The following OOEP variants were observed in gnomAD, a reference collection of about 807,000 sequenced individuals.
OOEP encodes the protein oocyte expressed protein.
A neutral mutation model predicts 13.7 loss-of-function variants in OOEP; 16 were observed. The observed-to-expected ratio is 1.16, with a 90% CI of 0.79 to 1.77. The LOEUF (loss-of-function observed/expected upper bound fraction) is 1.77. Ranked by LOEUF, OOEP falls within the 40% of genes most tolerant of loss-of-function variation. OOEP has a pLI of 0.00. For missense variants in OOEP, 195 were observed against 193.1 expected (o/e 1.01, Z -0.06); for synonymous variants, 89 against 77.1 (o/e 1.15, Z -0.81).
intron 1 of OOEP, 43 bp from the exon 2 acceptor site, chr6:73,369,428 G>T: frequency 6.3e-7 from 1 of 1,576,666 alleles, no homozygotes. Flanking sequence ...CACGGTGGCA[G>T]GTTAGAAGCT....
chr6:73,388,264 A>G (rs1275601091), intron 2 of OOEP, among the ~76,000 whole-genome samples: 1 of 151,678 alleles, frequency 6.6e-6, no homozygotes, highest in Non-Finnish European at 1.5e-5. Flanking sequence ...AATACAAATT[A>G]TAAACAGCGA....
intron 2 of OOEP, among the ~76,000 whole-genome samples, chr6:73,386,516 T>A (rs1332922966): frequency 6.6e-6 from 1 of 152,168 alleles, no homozygotes; most frequent in Non-Finnish European, 1.5e-5. Flanking sequence ...GTCTAAATAC[T>A]TTTACAAGTT....
intron 2 of OOEP, among the ~76,000 whole-genome samples, chr6:73,375,452 C>G (rs970073202): frequency 6.6e-6 from 1 of 151,906 alleles, no homozygotes; most frequent in Admixed American, 6.6e-5. Flanking sequence ...GTGTCTCATG[C>G]CTTGTAGTCC....
rs1768994659 is a variant in OOEP, at chr6:73,368,691, A to C, written c.*93T>G. The C allele has an allele frequency of 1.2e-6, 1 of 803,364 alleles. No individual in the cohort carries two copies. Among genetic ancestry groups the C allele is most frequent in the East Asian group, 2.6e-5 (1 of 39,192 alleles). The allele number at this position is 803,364 out of a possible 1,614,324, so 49.8% of individuals were successfully genotyped here. On this transcript the variant is annotated 3_prime_UTR_variant, in exon 3 of 3. Transcript: ENST00000370359. ...ATCCATCAAGACACAGGAAAAAGGA[A>C]TACGGGGATTTAAGAATGCTATACT...
chr6:73,381,205 T>TAAAAAAAAAAAAAAAAAAAAA (rs66507015), intron 2 of OOEP, among the ~76,000 whole-genome samples: 2 of 100,998 alleles, frequency 2.0e-5, no homozygotes, highest in Admixed American at 1.1e-4. Flanking sequence ...AAAAAAGTGT[T>TAAAAAAAAAAAAAAAAAAAAA]AAAAAAAAAA....
intron 2 of OOEP, among the ~76,000 whole-genome samples, chr6:73,385,609 T>C (rs78800571): frequency 4.6e-5 from 7 of 151,682 alleles, no homozygotes; most frequent in African/African-American, 7.3e-5. Context: ...TTTTTTTTTT[T>C]CGGAGTCTCA....
rs1769219087 is a variant in OOEP at position 73,382,212 on chromosome 6, TAA to T, written c.25+12132_25+12133del. On this transcript the variant is annotated intron_variant, in intron 2 of 3. Coordinates refer to the OOEP transcript ENST00000370363. ...ACAGGCATGCACTACCACACCTGGCTAATTTTTTTTTTTTTTTTTTTTTGAGA... is the reference window on the plus strand; with the variant it reads ...ACAGGCATGCACTACCACACCTGGCTTTTTTTTTTTTTTTTTTTTTTGAGA... 3.0e-5 allele frequency among the ~76,000 whole-genome samples: 3 copies of T among 101,472 alleles called. 1 individual carries two copies. The South Asian group carries it at 1.1e-3, about 39-fold the overall frequency. The allele number at this position is 101,472 out of a possible 152,430, so 66.6% of individuals were successfully genotyped here. A position where few individuals can be genotyped will look rare whatever the true frequency, so the allele number is the denominator to read the frequency against.
At chr6:73,385,898 CA>C (rs1486948552) in intron 2 of OOEP, among the ~76,000 whole-genome samples, 1 of 151,560 alleles carries the variant, frequency 6.6e-6, no homozygotes, top group Non-Finnish European at 1.5e-5. Context: ...AAGCTATTTT[CA>C]AAAAGCCCAC....
chr6:73,388,713 C>T (rs1484552797), intron 2 of OOEP, among the ~76,000 whole-genome samples: 2 of 152,212 alleles, frequency 1.3e-5, no homozygotes, highest in East Asian at 3.8e-4. Context: ...ATACCCACAT[C>T]CATCTCACAG....
chr6:73,394,484 C>T (rs1769410514), exon 2 of OOEP: 2 of 649,360 alleles, frequency 3.1e-6, no homozygotes, highest in South Asian at 1.7e-5. Flanking sequence ...GGCGACACCC[C>T]GTCTCTATTT....
intron 2 of OOEP, among the ~76,000 whole-genome samples, chr6:73,389,771 A>G (rs1769321842): frequency 2.6e-5 from 4 of 152,218 alleles, no homozygotes; most frequent in African/African-American, 9.6e-5. Context: ...GGTGCAGCAC[A>G]CCAACATGGC....
chr6:73,373,651 C>T (rs1380416192), upstream of OOEP, among the ~76,000 whole-genome samples: 3 of 152,062 alleles, frequency 2.0e-5, no homozygotes, highest in East Asian at 5.8e-4. Flanking sequence ...AGTGCAATGG[C>T]GAATCTTGGC....
intron 2 of OOEP, among the ~76,000 whole-genome samples, chr6:73,380,076 T>A (rs990422885): frequency 6.6e-6 from 1 of 152,160 alleles, no homozygotes; most frequent in African/African-American, 2.4e-5. Flanking sequence ...CACTCATTAG[T>A]CGTTAGGAAA....
At chr6:73,371,376 G>A (rs143795956), upstream of OOEP, among the ~76,000 whole-genome samples, 148 of 152,240 alleles carry the variant, frequency 9.7e-4, no homozygotes, top group African/African-American at 3.4e-3. Flanking sequence ...GCCAAGGCAG[G>A]AGGATCACTT....
At chr6:73,382,561 A>T (rs1769225299) in intron 2 of OOEP, among the ~76,000 whole-genome samples, 1 of 151,722 alleles carries the variant, frequency 6.6e-6, no homozygotes, top group Non-Finnish European at 1.5e-5. Flanking sequence ...GGGTCTCACC[A>T]TGTTGTCCAG....
chr6:73,392,419 C>G (rs1226834912), intron 2 of OOEP, among the ~76,000 whole-genome samples: 2 of 151,974 alleles, frequency 1.3e-5, no homozygotes, highest in Non-Finnish European at 2.9e-5. Flanking sequence ...ATTCTCTCAC[C>G]TCAGCTTCTC....
intron 2 of OOEP, among the ~76,000 whole-genome samples, chr6:73,384,825 C>T (rs1769247921): frequency 6.6e-6 from 1 of 151,852 alleles, no homozygotes; most frequent in South Asian, 2.1e-4. Flanking sequence ...CAACCTGTGC[C>T]TCCCGGGTTC....
intron 2 of OOEP, among the ~76,000 whole-genome samples, chr6:73,388,225 T>G (rs1389688865): frequency 2.0e-5 from 3 of 152,146 alleles, no homozygotes; most frequent in Non-Finnish European, 2.9e-5. Context: ...AAAATCCTTA[T>G]GCCTCCCCCT....
In OOEP at chr6:73,369,810, C is replaced by A; in HGVS notation, c.-18G>T. 6.2e-7 allele frequency: 1 copy of A among 1,606,000 alleles called. No individual in the cohort carries two copies. Among genetic ancestry groups the A allele is most frequent in the East Asian group, 2.2e-5 (1 of 44,706 alleles). Reference sequence around the variant, plus strand: ...TCGACCATACTGGGACCAGCAGCCGCGGAGCGCGCTCGAGGCGGCTTTCGC... The same window carrying A: ...TCGACCATACTGGGACCAGCAGCCGAGGAGCGCGCTCGAGGCGGCTTTCGC... On this transcript the variant is annotated 5_prime_UTR_variant, in exon 1 of 3. Transcript: ENST00000370359.
Sources: allele counts gnomAD v4.1 joint callset (sites outside exome capture counted in the v4.1 genomes callset), GRCh38; gene constraint gnomAD v4.1.1; transcripts MANE v1.5; gene names NCBI Gene and HGNC (gene_info 2026-07-23, HGNC 2026-07-21).